The following MYO9B variants were observed in gnomAD, a reference collection of about 807,000 sequenced individuals.
MYO9B encodes unconventional myosin-IXb.
Under a neutral mutation model 229.5 loss-of-function variants are expected in MYO9B, and 71 were observed. That is an observed-to-expected ratio of 0.31 (90% CI 0.26 to 0.38). The LOEUF (loss-of-function observed/expected upper bound fraction) is 0.38, where lower values mean the gene tolerates loss of function less well. Ranked by LOEUF, MYO9B falls within the 10% of genes least tolerant of loss-of-function variation. The pLI is 1.00. For synonymous variants in MYO9B, 1,185 were observed against 1,235.8 expected (o/e 0.96, Z 0.86); for missense variants, 2,255 against 2,920.5 (o/e 0.77, Z 5.25).
At chr19:17,147,962 G>A (rs941988102) in intron 3 of MYO9B, among the ~76,000 whole-genome samples, 6 of 152,166 alleles carry the variant, frequency 3.9e-5, no homozygotes, top group Admixed American at 2.6e-4. Flanking sequence ...GATTACAGGC[G>A]TGAGCCACTG....
Position 17,172,945 on chromosome 19 carries a change from A to C in MYO9B, c.2122A>C (p.Arg708=). ...LREAGRLRAE[R]AEKAAGMSSP... ...GGAGGCCGGACGCCTGCGGGCCGAGAGGGCCGAAAAGGCTGCAGGTGGGAG... is the reference window on the plus strand; with the variant it reads ...GGAGGCCGGACGCCTGCGGGCCGAGCGGGCCGAAAAGGCTGCAGGTGGGAG... The change falls in exon 13 of 40, where the codon AGG becomes CGG. Residue 708 remains arginine (R), a synonymous_variant. Transcript: ENST00000682292. This position sits in a 1 kb window ranked among gnomAD's most constrained non-coding sequence, Gnocchi z 8.2. The C allele has an allele frequency of 6.3e-7, 1 of 1,598,130 alleles. No individual in the cohort carries two copies. The highest frequency in any genetic ancestry group is 1.1e-5 in the South Asian group (1 of 91,022).
At chr19:17,115,678 T>C (rs868832583) in intron 2 of MYO9B, among the ~76,000 whole-genome samples, 4 of 151,922 alleles carry the variant, frequency 2.6e-5, no homozygotes, top group African/African-American at 9.7e-5. Context: ...CATGTTGGCC[T>C]GGCTGGTCTC....
chr19:17,176,874 G>A (rs1012874961), intron 14 of MYO9B, among the ~76,000 whole-genome samples: 7 of 152,112 alleles, frequency 4.6e-5, no homozygotes, highest in Admixed American at 3.3e-4. Flanking sequence ...GGCCCTGCAC[G>A]CACCCAAGCA....
rs150271309 is a variant in MYO9B, at chr19:17,206,864, G to A, written c.5492+80G>A. 1.8e-4 allele frequency: 237 copies of A among 1,336,302 alleles called. 1 individual carries two copies. In the African/African-American group the frequency reaches 2.4e-3, roughly 14 times the overall value. 82.8% of individuals were successfully genotyped at this position (1,336,302 alleles called of 1,614,324 possible). ...GAGGCAGCATTTCCCAGGAGGACCC[G>A]AGCTGGCGTTCTGTGGTGGTTTCGA... On this transcript the variant is annotated intron_variant, in intron 34 of 39. Transcript: ENST00000682292.
At chr19:17,107,534 C>T (rs552632451) in intron 2 of MYO9B, among the ~76,000 whole-genome samples, 1 of 152,314 alleles carries the variant, frequency 6.6e-6, no homozygotes, top group South Asian at 2.1e-4. Flanking sequence ...GCAAGGGAGT[C>T]TCCAACAACA....
At chr19:17,146,173 G>C (rs902895743) in intron 3 of MYO9B, among the ~76,000 whole-genome samples, 1 of 141,862 alleles carries the variant, frequency 7.0e-6, no homozygotes, top group Non-Finnish European at 1.5e-5. Flanking sequence ...ATGGATGGAT[G>C]GATGGATGGA....
At chr19:17,099,902 G>C (rs142984375) in intron 1 of MYO9B, among the ~76,000 whole-genome samples, 2 of 151,382 alleles carry the variant, frequency 1.3e-5, no homozygotes, top group Admixed American at 6.6e-5. Flanking sequence ...TGGATCACCT[G>C]AGGTCAGGAG....
chr19:17,110,979 C>T (rs80274449), intron 2 of MYO9B, among the ~76,000 whole-genome samples: 9,820 of 152,228 alleles, frequency 0.065, 339 homozygotes, highest in South Asian at 0.11. Flanking sequence ...CCCCCAGCCC[C>T]TCTGCCATCA....
At position 17,127,668 on chromosome 19, in the gene MYO9B, G is replaced by A. The variant is rs562720970; in HGVS notation, c.841-17729G>A. ...AAAATGTGAAAACTGTCCCTAGAAC[G>A]TAGGCTGTACAGTAATAGGTGGCTG... On this transcript the variant is annotated intron_variant, in intron 2 of 39. Transcript: ENST00000682292. Among the ~76,000 whole-genome samples, 5 of 152,288 alleles carry A rather than the reference G, an allele frequency of 3.3e-5. No individual in the cohort carries two copies. In the South Asian group the frequency reaches 8.3e-4, roughly 25 times the overall value.
At chr19:17,205,451 C>T (rs559083926) in intron 31 of MYO9B, 115 bp downstream of exon 31, 7 of 949,714 alleles carry the variant, frequency 7.4e-6, no homozygotes, top group African/African-American at 3.2e-5. Flanking sequence ...CAGTAGGGGG[C>T]GGCTGTGGCC....
intron 6 of MYO9B, among the ~76,000 whole-genome samples, 195 bp downstream of exon 6, chr19:17,154,610 G>A (rs899112398): frequency 1.3e-5 from 2 of 152,180 alleles, no homozygotes; most frequent in Non-Finnish European, 2.9e-5. Context: ...GTCATTAGGC[G>A]ATGCCAATTA....
Position 17,175,647 on chromosome 19 carries a change from T to C in MYO9B, c.2141-16T>C. ...GGAGGCCATCCCCACCACCATCCAC[T>C]CTGTGTCTCCGGCAGGTATGAGCAG... On this transcript the variant is annotated splice_polypyrimidine_tract_variant and intron_variant, in intron 13 of 39. Transcript: ENST00000682292. The C allele has an allele frequency of 1.3e-6, 2 of 1,557,180 alleles. No individual in the cohort carries two copies. Among genetic ancestry groups the C allele is most frequent in the Non-Finnish European group, 1.7e-6 (2 of 1,152,000 alleles).
rs144920743 is a variant in MYO9B at position 17,193,811 on chromosome 19, G to A, written c.3129-745G>A. Among the ~76,000 whole-genome samples, 106 of 152,258 alleles carry A rather than the reference G, an allele frequency of 7.0e-4. No individual in the cohort carries two copies. The highest frequency in any genetic ancestry group is 2.4e-3 in the African/African-American group (101 of 41,558). On this transcript the variant is annotated intron_variant, in intron 21 of 39. Transcript: ENST00000682292. This position sits in a 1 kb window ranked among gnomAD's most constrained non-coding sequence, Gnocchi z 4.3. ...GAGGATCACCTGGGCCTGGGATGTCGAGGCTGCAGTGAGCTATGATCACAC... is the reference window on the plus strand; with the variant it reads ...GAGGATCACCTGGGCCTGGGATGTCAAGGCTGCAGTGAGCTATGATCACAC...
Position 17,077,800 on chromosome 19 carries a change from G to A in MYO9B, c.-59+1926G>A, listed in dbSNP as rs145732452. On this transcript the variant is annotated intron_variant, in intron 1 of 39. Coordinates refer to ENST00000682292, the MANE Select transcript of MYO9B (RefSeq NM_004145.4). ...GCTGCGATGATCCTACTTTTATTCC[G>A]TTTTCCATTCGACAGTTTGTATCCA... 3.3e-5 allele frequency among the ~76,000 whole-genome samples: 5 copies of A among 152,122 alleles called. No individual in the cohort carries two copies. The East Asian group carries it at 7.7e-4, about 23-fold the overall frequency.
intron 2 of MYO9B, among the ~76,000 whole-genome samples, chr19:17,117,276 C>G (rs1568670688): frequency 6.6e-6 from 1 of 152,172 alleles, no homozygotes; most frequent in Non-Finnish European, 1.5e-5. Context: ...CAGGATAGAT[C>G]CGATTTCTGC....
chr19:17,211,875 T>C lies in MYO9B; in HGVS notation c.6059-20T>C, dbSNP rs1342509142. The C allele has an allele frequency of 1.9e-6, 3 of 1,591,768 alleles. No individual in the cohort carries two copies. Among genetic ancestry groups the C allele is most frequent in the Non-Finnish European group, 2.6e-6 (3 of 1,167,182 alleles). ...GCCGGCCCTGAAGCTGCAGTAACCC[T>C]GCCATCTGTCTCTCAAAAGGGCCCC... On this transcript the variant is annotated intron_variant, in intron 39 of 39. Coordinates refer to ENST00000682292, the MANE Select transcript of MYO9B (RefSeq NM_004145.4).
At chr19:17,169,945 G>A (rs1448741127) in intron 11 of MYO9B, among the ~76,000 whole-genome samples, 8 of 151,036 alleles carry the variant, frequency 5.3e-5, no homozygotes, top group South Asian at 2.1e-4. Context: ...AGGATCAAGC[G>A]ATTCTCGTGT....
intron 1 of MYO9B, among the ~76,000 whole-genome samples, chr19:17,089,370 G>A (rs2057615159): frequency 2.0e-5 from 3 of 152,260 alleles, no homozygotes; most frequent in Admixed American, 6.5e-5. Context: ...CTGCTGTAAT[G>A]CTAGTTAGCC....
intron 22 of MYO9B, among the ~76,000 whole-genome samples, chr19:17,196,742 G>A (rs1009275562): frequency 2.0e-5 from 3 of 151,940 alleles, no homozygotes; most frequent in Non-Finnish European, 4.4e-5. Flanking sequence ...GACGATAGAT[G>A]GATGGAAGGA....
Sources: allele counts gnomAD v4.1 joint callset (sites outside exome capture counted in the v4.1 genomes callset), GRCh38; gene constraint gnomAD v4.1.1; non-coding constraint Gnocchi (gnomAD v3.1); transcripts MANE v1.5; gene names NCBI Gene and HGNC (gene_info 2026-07-23, HGNC 2026-07-21).